Variants in CCAR1 observed in about 807,000 individuals in gnomAD.
CCAR1 encodes cell division cycle and apoptosis regulator protein 1.
In CCAR1, 78 loss-of-function variants were observed where a neutral mutation model predicts 163.8. That is an observed-to-expected ratio of 0.48 (90% CI 0.40 to 0.57). The LOEUF (loss-of-function observed/expected upper bound fraction) is 0.57, where lower values mean the gene tolerates loss of function less well. Among genes scored for constraint, CCAR1 ranks in the 20% least tolerant of loss-of-function variants. CCAR1 has a pLI of 0.00. For synonymous variants in CCAR1, 443 were observed against 460.7 expected (o/e 0.96, Z 0.49); for missense variants, 1,019 against 1,365.2 (o/e 0.75, Z 4.00).
chr10:68,753,857 G>A lies in CCAR1; in HGVS notation c.1124G>A (p.Ser375Asn). 6.2e-7 allele frequency: 1 copy of A among 1,611,752 alleles called. No homozygotes were observed. The stretch of plus-strand genomic sequence containing the variant: ...TACTTATGTCTGTTTTTCAGTCCCA[G>A]TTGTGACATGATGGAACTAAGGCGC... Reference protein sequence around the residue: ...QFSKFSLDCPSCDMMELRRRY... With the variant: ...QFSKFSLDCPNCDMMELRRRY... Residue 375 changes from serine to asparagine, a missense_variant, in exon 11 of 25, where the codon AGT becomes AAT. By Grantham distance (46) the Ser-to-Asn change is conservative. This residue lies in a region of CCAR1 where 644 missense variants were observed against 904.4 expected (regional missense o/e 0.71). Coordinates refer to ENST00000265872, the MANE Select transcript of CCAR1 (RefSeq NM_018237.4).
At chr10:68,786,394 T>C (rs1029146281) in intron 20 of CCAR1, 152 bp from the exon 21 acceptor site, 5 of 704,248 alleles carry the variant, frequency 7.1e-6, no homozygotes, top group Admixed American at 3.1e-5. Context: ...TTTTCTCTCA[T>C]ATTCGTATAC....
At chr10:68,748,420 G>C (rs1375162960) in intron 8 of CCAR1, among the ~76,000 whole-genome samples, 2 of 150,414 alleles carry the variant, frequency 1.3e-5, no homozygotes, top group African/African-American at 4.9e-5. Flanking sequence ...AGAAAAAGAT[G>C]ACAGGTAGCC....
chr10:68,786,554 A>C lies in CCAR1; in HGVS notation c.2742A>C (p.Glu914Asp), dbSNP rs1298567485. 2 of 1,557,340 alleles carry C rather than the reference A, an allele frequency of 1.3e-6. No homozygotes were observed. The highest frequency in any genetic ancestry group is 2.2e-5 in the Admixed American group (1 of 44,792). Residue 914 changes from glutamate to aspartate, a missense_variant, in exon 21 of 25, where the codon GAA (glutamate) becomes GAC (aspartate). By Grantham distance (45) the Glu-to-Asp change is conservative. Transcript: ENST00000265872. Reference protein sequence around the residue: ...KERPSKDKEKEKTQMITINRD... With the variant: ...KERPSKDKEKDKTQMITINRD... ...CTTCTCCATTTTCTTAGGAAAAAGAAAAGACTCAAATGATCACAATTAACA... is the reference window on the plus strand; with the variant it reads ...CTTCTCCATTTTCTTAGGAAAAAGACAAGACTCAAATGATCACAATTAACA...
In CCAR1 at chr10:68,791,471, T is replaced by C. The variant is rs1021199741; in HGVS notation, c.*205T>C. ...AGCCTTCAAATTATTAAACACTCCT[T>C]GAGTGAAATAATTTTGCATTGCAAA... On this transcript the variant is annotated 3_prime_UTR_variant, in exon 25 of 25. Coordinates refer to ENST00000265872, the MANE Select transcript of CCAR1 (RefSeq NM_018237.4). The C allele has an allele frequency of 5.5e-6, 2 of 363,700 alleles. No homozygotes were observed. The highest frequency in any genetic ancestry group is 4.7e-5 in the Admixed American group (1 of 21,106). The allele number at this position is 363,700 out of a possible 1,614,324, so 22.5% of individuals were successfully genotyped here. A position where few individuals can be genotyped will look rare whatever the true frequency, so the allele number is the denominator to read the frequency against.
At position 68,773,342 on chromosome 10, in the gene CCAR1, G is replaced by A. The variant is rs147999526; in HGVS notation, c.2650+243G>A. On this transcript the variant is annotated intron_variant, in intron 19 of 24. Transcript: ENST00000265872. ...CTCAATTTGGCGGAACAAATTTCCCGGAACATGGTGCCTAAGCTGTGCCAT... is the reference window on the plus strand; with the variant it reads ...CTCAATTTGGCGGAACAAATTTCCCAGAACATGGTGCCTAAGCTGTGCCAT... Among the ~76,000 whole-genome samples the A allele has an allele frequency of 3.7e-3, 558 of 151,998 alleles. 11 individuals are homozygous for A. The highest frequency in any genetic ancestry group is 0.032 in the Admixed American group (489 of 15,248).
At chr10:68,722,720 G>C (rs1001701342) in intron 2 of CCAR1, 143 bp downstream of exon 2, 2 of 612,720 alleles carry the variant, frequency 3.3e-6, no homozygotes, top group African/African-American at 1.8e-5. Context: ...TCAGGAGTTC[G>C]TAACCAGCCT....
chr10:68,769,763 A>G (rs2056579008), intron 17 of CCAR1, among the ~76,000 whole-genome samples: 1 of 149,088 alleles, frequency 6.7e-6, no homozygotes, highest in African/African-American at 2.5e-5. Context: ...AACACGGTGA[A>G]ACCTCGTCTC....
intron 1 of CCAR1, among the ~76,000 whole-genome samples, chr10:68,721,900 A>G (rs1039791119): frequency 2.0e-5 from 3 of 152,106 alleles, no homozygotes; most frequent in African/African-American, 4.8e-5. Flanking sequence ...AGGGACATCC[A>G]TTATCTCAAC....
chr10:68,762,326 C>T (rs1454040017), intron 16 of CCAR1, among the ~76,000 whole-genome samples: 1 of 32,944 alleles, frequency 3.0e-5, no homozygotes, highest in African/African-American at 1.3e-4. Context: ...GAGACTCTGT[C>T]TAAAAAAAAA....
chr10:68,749,654 A>G lies in CCAR1; in HGVS notation c.1087A>G (p.Thr363Ala). The change falls in exon 10 of 25, where the codon ACA (threonine) becomes GCA (alanine). Residue 363 changes from threonine (T) to alanine (A), a missense_variant. Transcript: ENST00000265872. ...RRVRRVVPRY[T>A]VQFSKFSLDC... The stretch of plus-strand genomic sequence containing the variant: ...AGTTCGACGTGTTGTTCCACGTTAC[A>G]CAGTTCAGTTTTCAAAGTTTTCTTT... The G allele has an allele frequency of 1.9e-6, 3 of 1,613,016 alleles. No homozygotes were observed. Among genetic ancestry groups the G allele is most frequent in the Non-Finnish European group, 2.5e-6 (3 of 1,179,208 alleles).
intron 17 of CCAR1, among the ~76,000 whole-genome samples, chr10:68,766,652 G>A (rs183724299): frequency 1.3e-5 from 2 of 151,496 alleles, no homozygotes; most frequent in South Asian, 2.1e-4. Flanking sequence ...TCAGCCTCCC[G>A]AGTAGCTGAG....
At chr10:68,759,951 A>G (rs1362350834) in intron 15 of CCAR1, among the ~76,000 whole-genome samples, 2 of 152,038 alleles carry the variant, frequency 1.3e-5, no homozygotes, top group African/African-American at 2.4e-5. Context: ...CCTCTGACCT[A>G]AGCCTCTCAA....
intron 2 of CCAR1, among the ~76,000 whole-genome samples, chr10:68,730,726 T>G (rs762961742): frequency 4.6e-5 from 7 of 152,164 alleles, no homozygotes; most frequent in Non-Finnish European, 8.8e-5. Context: ...GGGCCTCACT[T>G]TGTCACACAG....
chr10:68,777,992 A>T (rs943227215), intron 19 of CCAR1, among the ~76,000 whole-genome samples: 2 of 152,162 alleles, frequency 1.3e-5, no homozygotes, highest in Admixed American at 1.3e-4. Context: ...AGGCCAAGGC[A>T]GGCGGATCAC....
Position 68,756,374 on chromosome 10 carries a change from T to G in CCAR1, c.1727T>G (p.Val576Gly), listed in dbSNP as rs1227260119. Residue 576 changes from valine (V) to glycine (G), a missense_variant, in exon 14 of 25, where the codon GTT becomes GGT. Around this residue, in one of 4 missense-constraint regions of CCAR1, gnomAD observed 644 missense variants for 904.4 expected, o/e 0.71. Coordinates refer to ENST00000265872, the MANE Select transcript of CCAR1 (RefSeq NM_018237.4). This position sits in a 1 kb window ranked among gnomAD's most constrained non-coding sequence, Gnocchi z 5.1. ...ACAGTGGTTTTATTTTTCCCGGATG[T>G]TTGGCATTGCCTTCCCACCCGCTCA... ...VETVVLFFPD[V>G]WHCLPTRSEW... 6.2e-7 allele frequency: 1 copy of G among 1,614,064 alleles called. No homozygotes were observed. Among genetic ancestry groups the G allele is most frequent in the East Asian group, 2.2e-5 (1 of 44,868 alleles).
At chr10:68,749,321 CAT>C in intron 9 of CCAR1, 56 bp downstream of exon 9, 2 of 1,500,046 alleles carry the variant, frequency 1.3e-6, no homozygotes, top group Non-Finnish European at 1.8e-6. Flanking sequence ...ACAATGGAAA[CAT>C]AGTTAATGCC....
intron 12 of CCAR1, 71 bp downstream of exon 12, chr10:68,754,898 T>A: frequency 1.2e-6 from 1 of 806,556 alleles, no homozygotes; most frequent in Admixed American, 2.1e-5. Flanking sequence ...ACACATAAAA[T>A]CTAAAGCCCT....
At chr10:68,752,167 C>T (rs1365006603) in intron 10 of CCAR1, among the ~76,000 whole-genome samples, 1 of 152,024 alleles carries the variant, frequency 6.6e-6, no homozygotes, top group Non-Finnish European at 1.5e-5. Flanking sequence ...ATCCGCCCAC[C>T]TCGGCCTCCC....
At chr10:68,760,821 G>T in intron 15 of CCAR1, 186 bp from the exon 16 acceptor site, 2 of 372,270 alleles carry the variant, frequency 5.4e-6, no homozygotes, top group Non-Finnish European at 9.7e-6. Flanking sequence ...CCGAGATCAC[G>T]CCACTGCACT....
Sources: gnomAD v4.1 joint callset for allele counts (sites outside exome capture counted in the v4.1 genomes callset) on GRCh38, gnomAD v4.1.1 for gene constraint, gnomAD v4.1.1 regional missense constraint, Gnocchi (gnomAD v3.1) non-coding constraint, MANE v1.5 for transcripts, NCBI Gene and HGNC (gene_info 2026-07-23, HGNC 2026-07-21) for gene names.